The following EFR3B variants were observed in gnomAD, a reference collection of about 807,000 sequenced individuals.
The protein encoded by EFR3B is protein EFR3 homolog B.
A neutral mutation model predicts 104.7 loss-of-function variants in EFR3B; 64 were observed. The ratio of observed to expected loss-of-function variants is 0.61; its 90% CI spans 0.50 to 0.75. EFR3B has a LOEUF of 0.75. Among genes scored for constraint, EFR3B ranks in the 30% least tolerant of loss-of-function variants. The pLI, the probability that EFR3B is intolerant of heterozygous loss-of-function variation, is 0.00. For missense variants in EFR3B, 750 were observed against 1,078.5 expected, an observed-to-expected ratio of 0.70 and a Z score of 4.27; for synonymous variants, 385 against 417.9, an observed-to-expected ratio of 0.92 and a Z score of 0.96.
At chr2:25,104,631 G>C (rs996789912) in intron 4 of EFR3B, among the ~76,000 whole-genome samples, 2 of 152,200 alleles carry the variant, frequency 1.3e-5, no homozygotes, top group African/African-American at 4.8e-5. Flanking sequence ...AAGCTGTCCA[G>C]GTTATGCCCC....
Position 25,131,941 on chromosome 2 carries a change from CG to C in EFR3B, c.1147+34del. ...GGCGCGGGGCCGGGCCGGGGCGGGG[CG>C]GGGCCGAGGCGCGGAGTGGGGAGGG... On this transcript the variant is annotated intron_variant, in intron 10 of 22. Transcript: ENST00000403714. This position sits in a 1 kb window ranked among gnomAD's most constrained non-coding sequence, Gnocchi z 7.6. 1 of 223,612 alleles carries C rather than the reference CG, an allele frequency of 4.5e-6. No homozygotes were observed. The highest frequency in any genetic ancestry group is 6.7e-6 in the Non-Finnish European group (1 of 149,092). 13.9% of individuals were successfully genotyped at this position (223,612 alleles called of 1,614,324 possible).
At chr2:25,117,237 C>T (rs976013711) in intron 4 of EFR3B, among the ~76,000 whole-genome samples, 1 of 152,132 alleles carries the variant, frequency 6.6e-6, no homozygotes, top group African/African-American at 2.4e-5. Flanking sequence ...AGGTGTGGGC[C>T]TCAGACTGGC....
chr2:25,053,127 G>A (rs891427764), intron 1 of EFR3B, among the ~76,000 whole-genome samples: 7 of 152,156 alleles, frequency 4.6e-5, no homozygotes, highest in East Asian at 3.9e-4. Flanking sequence ...AGACTCATGT[G>A]TTATTAATAA....
intron 19 of EFR3B, chr2:25,148,009 G>A (rs1573238783): frequency 8.6e-6 from 1 of 116,214 alleles, no homozygotes. Flanking sequence ...TGGGTGATGA[G>A]AGCGAAACTC....
intron 4 of EFR3B, among the ~76,000 whole-genome samples, chr2:25,118,677 C>A (rs1185555143): frequency 7.6e-6 from 1 of 132,306 alleles, no homozygotes; most frequent in Non-Finnish European, 1.5e-5. Context: ...ATTGCTTGAT[C>A]CCAGGAGTTT....
chr2:25,089,242 A>G (rs1327791995), intron 1 of EFR3B, among the ~76,000 whole-genome samples: 1 of 152,032 alleles, frequency 6.6e-6, no homozygotes, highest in African/African-American at 2.4e-5. Flanking sequence ...TGCACTGACA[A>G]CCCCACAGCC....
At position 25,042,473 on chromosome 2, in the gene EFR3B, G is replaced by C. The variant is rs553694686; in HGVS notation, c.7+154G>C. Reference sequence around the variant, plus strand: ...TGTTGCGGTCGCTCTGTGCGCGCGCGTCTGCGCTGCGAGGACAAAGATGCC... The same window carrying C: ...TGTTGCGGTCGCTCTGTGCGCGCGCCTCTGCGCTGCGAGGACAAAGATGCC... On this transcript the variant is annotated intron_variant, in intron 1 of 22. Coordinates refer to ENST00000403714, the MANE Select transcript of EFR3B (RefSeq NM_014971.2). This position sits in a 1 kb window ranked among gnomAD's most constrained non-coding sequence, Gnocchi z 5.4. The C allele has an allele frequency of 8.3e-4, 1,001 of 1,206,832 alleles. 1 individual carries two copies. The highest frequency in any genetic ancestry group is 1.9e-3 in the South Asian group (44 of 23,412). 74.8% of individuals were successfully genotyped at this position (1,206,832 alleles called of 1,614,324 possible). A position where few individuals can be genotyped will look rare whatever the true frequency, so the allele number is the denominator to read the frequency against.
At chr2:25,108,606 A>G (rs1211014945) in intron 4 of EFR3B, among the ~76,000 whole-genome samples, 1 of 152,238 alleles carries the variant, frequency 6.6e-6, no homozygotes, top group Admixed American at 6.5e-5. Context: ...CTATAGGGAT[A>G]AGTCTTTATG....
chr2:25,131,551 G>A lies in EFR3B; in HGVS notation c.985+48G>A. Reference sequence around the variant, plus strand: ...GAGGGCCGGGGACCCCGCGGAGGCTGCCGCCTCTTACAGAGAGAGGCAAGG... The same window carrying A: ...GAGGGCCGGGGACCCCGCGGAGGCTACCGCCTCTTACAGAGAGAGGCAAGG... On this transcript the variant is annotated intron_variant, in intron 9 of 22. Transcript: ENST00000403714. This position sits in a 1 kb window ranked among gnomAD's most constrained non-coding sequence, Gnocchi z 7.6. 1.3e-6 allele frequency: 2 copies of A among 1,543,478 alleles called. No homozygotes were observed. The highest frequency in any genetic ancestry group is 1.7e-6 in the Non-Finnish European group (2 of 1,143,600).
At chr2:25,077,878 T>G (rs967655440) in intron 1 of EFR3B, among the ~76,000 whole-genome samples, 3 of 152,242 alleles carry the variant, frequency 2.0e-5, no homozygotes, top group African/African-American at 7.2e-5. Flanking sequence ...GGAACCTTTT[T>G]GTTTTTCTTA....
chr2:25,061,711 G>T (rs1668201934), intron 1 of EFR3B, among the ~76,000 whole-genome samples: 1 of 151,706 alleles, frequency 6.6e-6, no homozygotes, highest in South Asian at 2.1e-4. Context: ...GGCCAGGCTA[G>T]TCTCAAACTC....
intron 1 of EFR3B, among the ~76,000 whole-genome samples, chr2:25,075,995 C>T (rs569504972): frequency 2.3e-4 from 35 of 152,194 alleles, no homozygotes; most frequent in Non-Finnish European, 3.5e-4. Flanking sequence ...CAGTCTCAAG[C>T]GATCCTCCCA....
Position 25,071,258 on chromosome 2 carries a change from C to A in EFR3B, c.8-20067C>A, listed in dbSNP as rs563943403. On this transcript the variant is annotated intron_variant, in intron 1 of 22. Transcript: ENST00000403714. ...TACAGGCATGAGCCACCGTGCCCGG[C>A]CTTTTTTTTTTTTTTTTTCTGAGAC... Among the ~76,000 whole-genome samples, 10 of 138,066 alleles carry A rather than the reference C, an allele frequency of 7.2e-5. No individual in the cohort carries two copies. In the South Asian group the frequency reaches 2.3e-3, roughly 31 times the overall value. The allele number at this position is 138,066 out of a possible 152,430, so 90.6% of individuals were successfully genotyped here.
At chr2:25,057,477 TC>T (rs1448817139) in intron 1 of EFR3B, among the ~76,000 whole-genome samples, 2 of 151,942 alleles carry the variant, frequency 1.3e-5, no homozygotes, top group Non-Finnish European at 1.5e-5. Flanking sequence ...CCACATAGAT[TC>T]TTATTGAAAA....
At chr2:25,050,191 G>A (rs1667828451) in intron 1 of EFR3B, among the ~76,000 whole-genome samples, 1 of 152,020 alleles carries the variant, frequency 6.6e-6, no homozygotes, top group Non-Finnish European at 1.5e-5. Context: ...TCATTCCTGT[G>A]AGCAGTGGGA....
chr2:25,085,389 C>T (rs183146599), intron 1 of EFR3B, among the ~76,000 whole-genome samples: 9 of 152,304 alleles, frequency 5.9e-5, no homozygotes, highest in Admixed American at 2.6e-4. Flanking sequence ...TATATTCCTT[C>T]CTATTTCCCA....
At position 25,154,933 on chromosome 2, in the gene EFR3B, G is replaced by C. The variant is rs148332569; in HGVS notation, c.*593G>C. ...AGCTGGGGTGGAGACATCACGAGGGGTCGGGGGACAGCAAAGGGCAGGAAG... is the reference window on the plus strand; with the variant it reads ...AGCTGGGGTGGAGACATCACGAGGGCTCGGGGGACAGCAAAGGGCAGGAAG... On this transcript the variant is annotated 3_prime_UTR_variant, in exon 23 of 23. Transcript: ENST00000403714. This position sits in a 1 kb window ranked among gnomAD's most constrained non-coding sequence, Gnocchi z 4.1. 2.7e-3 allele frequency: 417 copies of C among 154,236 alleles called. No homozygotes were observed. Among genetic ancestry groups the C allele is most frequent in the Non-Finnish European group, 3.8e-3 (261 of 69,434 alleles). The allele number at this position is 154,236 out of a possible 1,614,324, so 9.6% of individuals were successfully genotyped here. A position where few individuals can be genotyped will look rare whatever the true frequency, so the allele number is the denominator to read the frequency against.
intron 19 of EFR3B, chr2:25,146,973 C>G (rs1056803199): frequency 2.6e-5 from 4 of 152,366 alleles, no homozygotes; most frequent in African/African-American, 9.6e-5. Flanking sequence ...TGGCCCGTAT[C>G]CACTGTCCCA....
chr2:25,143,564 G>A (rs1466925649), intron 17 of EFR3B, among the ~76,000 whole-genome samples, 171 bp from the exon 18 acceptor site: 1 of 152,066 alleles, frequency 6.6e-6, no homozygotes, highest in Admixed American at 6.6e-5. Context: ...GGAGGCTGAG[G>A]CAGGAGAATC....
Sources: gnomAD v4.1 joint callset for allele counts (sites outside exome capture counted in the v4.1 genomes callset) on GRCh38, gnomAD v4.1.1 for gene constraint, Gnocchi (gnomAD v3.1) non-coding constraint, MANE v1.5 for transcripts, NCBI Gene and HGNC (gene_info 2026-07-23, HGNC 2026-07-21) for gene names.